Variants in PLOD1 observed in about 807,000 individuals in gnomAD.
The protein encoded by PLOD1 is lysine hydroxylase.
Under a neutral mutation model 94.7 loss-of-function variants are expected in PLOD1, and 70 were observed. The ratio of observed to expected loss-of-function variants is 0.74; its 90% CI spans 0.61 to 0.90. The LOEUF (loss-of-function observed/expected upper bound fraction) is 0.90. Ranked by LOEUF, PLOD1 falls within the 40% of genes least tolerant of loss-of-function variation. The probability of loss-of-function intolerance (pLI) is 0.00; values close to 1 mark genes in which losing one functional copy is unlikely to be tolerated. For synonymous variants in PLOD1, 417 were observed against 400.2 expected (o/e 1.04, Z -0.50); for missense variants, 905 against 972.7 (o/e 0.93, Z 0.93).
chr1:11,968,719 G>A (rs1645839794), intron 16 of PLOD1, among the ~76,000 whole-genome samples: 1 of 151,324 alleles, frequency 6.6e-6, no homozygotes, highest in South Asian at 2.1e-4. Flanking sequence ...CACCATTTTG[G>A]TCAGGCTGGT....
rs1645567488 is a variant in PLOD1, at chr1:11,934,873, GGGGGCGGGA to G, written c.76+20_76+28del. 2.6e-6 allele frequency: 4 copies of G among 1,532,406 alleles called. No individual in the cohort carries two copies. The highest frequency in any genetic ancestry group is 3.5e-6 in the Non-Finnish European group (4 of 1,143,252). 94.9% of individuals were successfully genotyped at this position (1,532,406 alleles called of 1,614,324 possible). On this transcript the variant is annotated intron_variant, in intron 1 of 18. Coordinates refer to ENST00000196061, the MANE Select transcript of PLOD1 (RefSeq NM_000302.4). ...GCCGGAGGGTGAGGGAGCGAAGGCCGGGGGCGGGAGCGCGGATCCGGGCGGGAGGGCTGG... is the reference window on the plus strand; with the variant it reads ...GCCGGAGGGTGAGGGAGCGAAGGCCGGCGCGGATCCGGGCGGGAGGGCTGG...
At chr1:11,950,283 C>G in intron 3 of PLOD1, 74 bp from the exon 4 acceptor site, 1 of 1,422,988 alleles carries the variant, frequency 7.0e-7, no homozygotes, top group South Asian at 1.2e-5. Flanking sequence ...GATCCCTGGT[C>G]CCTCCTGTCT....
Position 11,965,472 on chromosome 1 carries a change from C to A in PLOD1, c.1471-8C>A. On this transcript the variant is annotated splice_polypyrimidine_tract_variant and splice_region_variant and intron_variant, in intron 13 of 18. Transcript: ENST00000196061. ...GAGCGCCTCTTCCACCGGGCCTGTC[C>A]TCCCCAGGATGTGTTCATGTTCCTG... 6.3e-7 allele frequency: 1 copy of A among 1,580,356 alleles called. No individual in the cohort carries two copies. The highest frequency in any genetic ancestry group is 8.7e-7 in the Non-Finnish European group (1 of 1,149,848).
At position 11,974,776 on chromosome 1, in the gene PLOD1, C is replaced by T. The variant is rs754650948; in HGVS notation, c.2152C>T (p.Arg718Cys). Residue 718 changes from arginine to cysteine, a missense_variant, in exon 19 of 19, where the codon CGC becomes TGC. By Grantham distance (180) the Arg-to-Cys change is radical. Transcript: ENST00000196061. Reference protein sequence around the residue: ...HEGLPTTRGTRYIAVSFVDP With the variant: ...HEGLPTTRGTCYIAVSFVDP ...GGGGCTCCCCACCACCAGGGGCACC[C>T]GCTACATCGCAGTCTCCTTCGTCGA... The T allele has an allele frequency of 6.2e-6, 10 of 1,614,032 alleles. No individual in the cohort carries two copies. Among genetic ancestry groups the T allele is most frequent in the African/African-American group, 2.7e-5 (2 of 74,922 alleles).
rs6685691 is a variant in PLOD1 at position 11,970,595 on chromosome 1, G to A, written c.1756-75G>A. 2.0e-3 allele frequency: 2,765 copies of A among 1,389,170 alleles called. 17 individuals carry two copies. Among genetic ancestry groups the A allele is most frequent in the African/African-American group, 0.02 (1,385 of 70,614 alleles). The allele number at this position is 1,389,170 out of a possible 1,614,324, so 86.1% of individuals were successfully genotyped here. A position where few individuals can be genotyped will look rare whatever the true frequency, so the allele number is the denominator to read the frequency against. ...ATGTGGTCCGGTCACATTCCCGGGT[G>A]TAGGAGAGGGGAGTAGACAGAGCCT... On this transcript the variant is annotated intron_variant, in intron 16 of 18. Coordinates refer to ENST00000196061, the MANE Select transcript of PLOD1 (RefSeq NM_000302.4).
intron 1 of PLOD1, among the ~76,000 whole-genome samples, chr1:11,944,159 G>A (rs1569673410): frequency 1.3e-5 from 2 of 152,118 alleles, no homozygotes; most frequent in East Asian, 1.9e-4. Flanking sequence ...CTTGAACCCA[G>A]GAGATAGAGG....
intron 14 of PLOD1, among the ~76,000 whole-genome samples, chr1:11,965,803 A>T (rs2100759589): frequency 6.6e-6 from 1 of 152,318 alleles, no homozygotes; most frequent in South Asian, 2.1e-4. Flanking sequence ...AGGAGGGACC[A>T]GGACTCAAGA....
At position 11,963,631 on chromosome 1, in the gene PLOD1, G is replaced by A. The variant is rs753853335; in HGVS notation, c.1197G>A (p.Gln399=). The A allele has an allele frequency of 4.4e-6, 7 of 1,588,424 alleles. No individual in the cohort carries two copies. The East Asian group carries it at 1.6e-4, about 36-fold the overall frequency. The change falls in exon 11 of 19, where the codon CAG becomes CAA. Residue 399 remains glutamine (Q), a synonymous_variant. Transcript: ENST00000196061. The surrounding 1 kb of genome is among the most constrained non-coding windows in gnomAD (Gnocchi z 4.3). ...EPNSLRLLIQ[Q]NKNVIAPLMT... is the part of the protein sequence containing the mutation. The stretch of plus-strand genomic sequence containing the variant: ...ACAGCCTGCGGCTGCTGATCCAACA[G>A]AACAAGTGAGGCTGCTCCGTCTGCA...
intron 1 of PLOD1, 69 bp downstream of exon 1, chr1:11,934,924 T>A: frequency 6.7e-7 from 1 of 1,500,694 alleles, no homozygotes; most frequent in Non-Finnish European, 8.9e-7. Context: ...GCTGCCTCCC[T>A]GGGAACGACC....
intron 12 of PLOD1, 127 bp from the exon 13 acceptor site, chr1:11,964,517 C>T (rs1474825808): frequency 8.0e-6 from 8 of 996,358 alleles, no homozygotes; most frequent in African/African-American, 3.2e-5. Context: ...ATTGTGCCCC[C>T]CTAGCCTGTG....
At position 11,958,917 on chromosome 1, in the gene PLOD1, C is replaced by A. The variant is rs1224453877; in HGVS notation, c.975+270C>A. On this transcript the variant is annotated intron_variant, in intron 9 of 18. Coordinates refer to ENST00000196061, the MANE Select transcript of PLOD1 (RefSeq NM_000302.4). The surrounding 1 kb of genome is among the most constrained non-coding windows in gnomAD (Gnocchi z 4.3). ...TTTAGTTTCTCATCTATAAAATAGG[C>A]ATAAAAGTCGGGCGCGGTGGCTCAT... is the stretch of plus-strand genomic sequence containing the variant. 6.6e-6 allele frequency among the ~76,000 whole-genome samples: 1 copy of A among 152,132 alleles called. No homozygotes were observed. Among genetic ancestry groups the A allele is most frequent in the African/African-American group, 2.4e-5 (1 of 41,424 alleles).
intron 16 of PLOD1, among the ~76,000 whole-genome samples, chr1:11,967,927 CTTTA>C (rs964906998): frequency 1.4e-5 from 2 of 147,046 alleles, no homozygotes; most frequent in Non-Finnish European, 3.0e-5. Context: ...TCTTTGTATT[CTTTA>C]TTTATTTAAT....
chr1:11,961,907 G>T (rs1393607636), intron 10 of PLOD1, among the ~76,000 whole-genome samples: 8 of 152,202 alleles, frequency 5.3e-5, no homozygotes, highest in African/African-American at 1.9e-4. Flanking sequence ...TCTTGCCTCA[G>T]CCTCTCAAGT....
At chr1:11,952,435 C>A (rs908536644) in intron 4 of PLOD1, among the ~76,000 whole-genome samples, 188 bp from the exon 5 acceptor site, 3 of 152,184 alleles carry the variant, frequency 2.0e-5, no homozygotes, top group African/African-American at 7.2e-5. Context: ...TAATAAGTGA[C>A]ATTCACTGGC....
intron 1 of PLOD1, among the ~76,000 whole-genome samples, chr1:11,939,674 C>T (rs1439921595): frequency 1.3e-5 from 2 of 152,140 alleles, no homozygotes; most frequent in Non-Finnish European, 2.9e-5. Flanking sequence ...ATGGCATGAT[C>T]TCAGCTCACT....
At chr1:11,973,580 C>CTTTTTTTTTTTT (rs976516109) in intron 18 of PLOD1, among the ~76,000 whole-genome samples, 1 of 148,104 alleles carries the variant, frequency 6.8e-6, no homozygotes, top group African/African-American at 2.5e-5. Flanking sequence ...AGCTATAATC[C>CTTTTTTTTTTTT]TTTTTTTTTT....
intron 16 of PLOD1, among the ~76,000 whole-genome samples, chr1:11,970,247 T>TCA (rs991367542): frequency 2.0e-5 from 3 of 152,124 alleles, no homozygotes; most frequent in Non-Finnish European, 4.4e-5. Flanking sequence ...TGAGACTCCG[T>TCA]CACACACACA....
At chr1:11,955,518 G>GGCTCT (rs1340016122) in intron 6 of PLOD1, among the ~76,000 whole-genome samples, 1 of 152,152 alleles carries the variant, frequency 6.6e-6, no homozygotes, top group Non-Finnish European at 1.5e-5. Context: ...TGAAAGCTAC[G>GGCTCT]GCTCTGCTCC....
intron 14 of PLOD1, among the ~76,000 whole-genome samples, chr1:11,965,933 G>A (rs1048303457): frequency 6.6e-6 from 1 of 152,206 alleles, no homozygotes; most frequent in Non-Finnish European, 1.5e-5. Context: ...TCTTACCCAT[G>A]AGGGTGTTGT....
Sources: gnomAD v4.1 joint callset for allele counts (sites outside exome capture counted in the v4.1 genomes callset) on GRCh38, gnomAD v4.1.1 for gene constraint, Gnocchi (gnomAD v3.1) non-coding constraint, MANE v1.5 for transcripts, NCBI Gene and HGNC (gene_info 2026-07-23, HGNC 2026-07-21) for gene names.